The following ZBTB20 variants were observed in gnomAD, a reference collection of about 807,000 sequenced individuals.
ZBTB20 encodes the protein zinc finger and BTB domain-containing protein 20.
ZBTB20 carries 9 observed loss-of-function variants against 56.9 expected under a neutral mutation model. The ratio of observed to expected loss-of-function variants is 0.16; its 90% CI spans 0.10 to 0.28. The LOEUF (loss-of-function observed/expected upper bound fraction) is 0.28, where lower values mean the gene tolerates loss of function less well. Ranked by LOEUF, ZBTB20 falls within the 10% of genes least tolerant of loss-of-function variation. ZBTB20 has a pLI of 1.00. For synonymous variants in ZBTB20, 417 were observed against 420.7 expected (o/e 0.99, Z 0.11); for missense variants, 655 against 1,003.0 (o/e 0.65, Z 4.69).
chr3:115,077,802 A>C (rs181900634), intron 1 of ZBTB20, among the ~76,000 whole-genome samples: 11 of 152,306 alleles, frequency 7.2e-5, no homozygotes, highest in East Asian at 1.9e-4. Flanking sequence ...AAAATGGTGA[A>C]GCACTATGGA....
intron 2 of ZBTB20, among the ~76,000 whole-genome samples, chr3:114,990,084 T>C (rs2078733930): frequency 6.6e-6 from 1 of 152,196 alleles, no homozygotes; most frequent in Non-Finnish European, 1.5e-5. Context: ...CCTAATTGAA[T>C]ACCCTGTATT....
At position 114,531,614 on chromosome 3, in the gene ZBTB20, T is replaced by C. The variant is rs146859657; in HGVS notation, c.-294-31223A>G. Reference sequence around the variant, plus strand: ...TAGAATCAATGGAAAGAAAGATTTTTGGGGAGGGGAGAGAAGTTTTGCTTG... The same window carrying C: ...TAGAATCAATGGAAAGAAAGATTTTCGGGGAGGGGAGAGAAGTTTTGCTTG... On this transcript the variant is annotated intron_variant, in intron 6 of 11. Coordinates refer to ENST00000675478, the MANE Select transcript of ZBTB20 (RefSeq NM_001348800.3). 5.8e-3 allele frequency among the ~76,000 whole-genome samples: 876 copies of C among 152,248 alleles called. 4 individuals are homozygous for C. The highest frequency in any genetic ancestry group is 0.02 in the Middle Eastern group (6 of 294).
intron 4 of ZBTB20, among the ~76,000 whole-genome samples, chr3:114,809,551 T>C (rs1226484959): frequency 6.6e-6 from 1 of 152,166 alleles, no homozygotes; most frequent in Non-Finnish European, 1.5e-5. Flanking sequence ...TGATACTCTC[T>C]ATTTAAAGGG....
At chr3:114,523,538 G>T (rs2046876891) in intron 6 of ZBTB20, among the ~76,000 whole-genome samples, 1 of 152,212 alleles carries the variant, frequency 6.6e-6, no homozygotes, top group Non-Finnish European at 1.5e-5. Context: ...TAAAACAGAA[G>T]AAAGATGTGA....
At chr3:114,375,486 A>G (rs2083504997) in intron 10 of ZBTB20, among the ~76,000 whole-genome samples, 2 of 152,260 alleles carry the variant, frequency 1.3e-5, no homozygotes, top group African/African-American at 4.8e-5. Context: ...TACAGCATAG[A>G]CTAAAAAGTT....
At chr3:114,734,182 AAAAT>A (rs1227713451) in intron 5 of ZBTB20, among the ~76,000 whole-genome samples, 2 of 151,682 alleles carry the variant, frequency 1.3e-5, no homozygotes, top group Admixed American at 1.3e-4. Flanking sequence ...AATAAATAAA[AAAAT>A]AAATACATAT....
intron 6 of ZBTB20, among the ~76,000 whole-genome samples, chr3:114,602,480 C>T (rs1420220599): frequency 6.6e-6 from 1 of 151,978 alleles, no homozygotes; most frequent in Non-Finnish European, 1.5e-5. Flanking sequence ...TTCCCAGCAC[C>T]TTCTGTTATG....
At chr3:114,979,876 A>G (rs2108081006) in intron 2 of ZBTB20, among the ~76,000 whole-genome samples, 1 of 152,086 alleles carries the variant, frequency 6.6e-6, no homozygotes, top group East Asian at 1.9e-4. Flanking sequence ...GTTCTATGGT[A>G]TATTCTCAAA....
chr3:114,472,764 T>C (rs1238699328), intron 7 of ZBTB20, among the ~76,000 whole-genome samples: 1 of 151,840 alleles, frequency 6.6e-6, no homozygotes, highest in African/African-American at 2.4e-5. Flanking sequence ...TGTGGCCCAA[T>C]ACAGCATGCT....
intron 1 of ZBTB20, among the ~76,000 whole-genome samples, chr3:115,114,171 G>T (rs1176306276): frequency 6.6e-6 from 1 of 152,022 alleles, no homozygotes; most frequent in Non-Finnish European, 1.5e-5. Flanking sequence ...TGCTCTTACT[G>T]AAAAACATTA....
intron 1 of ZBTB20, among the ~76,000 whole-genome samples, chr3:115,092,057 C>T (rs1022013195): frequency 6.6e-6 from 1 of 152,104 alleles, no homozygotes; most frequent in Non-Finnish European, 1.5e-5. Context: ...TTAAATACTT[C>T]CCTGTTTATG....
chr3:114,562,241 T>C lies in ZBTB20; in HGVS notation c.-294-61850A>G, dbSNP rs557880092. On this transcript the variant is annotated intron_variant, in intron 6 of 11. Transcript: ENST00000675478. Reference sequence around the variant, plus strand: ...GTGCAGTGGTGCCATCTCGGCTCACTGCAACCTCCGCCTCCCAGGTTCAAG... The same window carrying C: ...GTGCAGTGGTGCCATCTCGGCTCACCGCAACCTCCGCCTCCCAGGTTCAAG... 1.8e-4 allele frequency among the ~76,000 whole-genome samples: 27 copies of C among 151,824 alleles called. No individual in the cohort carries two copies. In the South Asian group the frequency reaches 5.2e-3, roughly 29 times the overall value.
rs1222715372 is a variant in ZBTB20 at position 114,314,505 on chromosome 3, G to T, written c.*24500C>A. 7.0e-6 allele frequency: 1 copy of T among 142,506 alleles called. No individual in the cohort carries two copies. Among genetic ancestry groups the T allele is most frequent in the Non-Finnish European group, 1.5e-5 (1 of 64,702 alleles). 8.8% of individuals were successfully genotyped at this position (142,506 alleles called of 1,614,324 possible). On this transcript the variant is annotated 3_prime_UTR_variant, in exon 12 of 12. Transcript: ENST00000675478. ...GACACAATAGGAAACCAAGAGAAGA[G>T]TTTTTTTTTTTTTAATTATTCCTTC...
chr3:114,418,168 C>T (rs763941848), intron 7 of ZBTB20, among the ~76,000 whole-genome samples: 218 of 152,010 alleles, frequency 1.4e-3, no homozygotes, highest in Non-Finnish European at 2.4e-3. Flanking sequence ...GGCATGAACC[C>T]ACTGATGTGT....
chr3:114,728,927 G>A (rs998970470), intron 5 of ZBTB20, among the ~76,000 whole-genome samples: 1 of 152,074 alleles, frequency 6.6e-6, no homozygotes, highest in African/African-American at 2.4e-5. Context: ...AGGGCAGTGT[G>A]GGGGCAGAGA....
At chr3:114,485,303 T>C (rs760958862) in intron 7 of ZBTB20, among the ~76,000 whole-genome samples, 1 of 152,244 alleles carries the variant, frequency 6.6e-6, no homozygotes, top group Non-Finnish European at 1.5e-5. Context: ...AGAGTGCATG[T>C]TTTTTATTCC....
rs1318397324 is a variant in ZBTB20 at position 114,330,072 on chromosome 3, T to C, written c.*8933A>G. On this transcript the variant is annotated 3_prime_UTR_variant, in exon 12 of 12. Coordinates refer to ENST00000675478, the MANE Select transcript of ZBTB20 (RefSeq NM_001348800.3). ...ATGCACCTCTTTTGTTCTTCAGATA[T>C]TGAGTGGGTCAGCTAAACAAGATCA... The C allele has an allele frequency of 6.6e-6, 1 of 152,232 alleles. No individual in the cohort carries two copies. The highest frequency in any genetic ancestry group is 2.4e-5 in the African/African-American group (1 of 41,464). 9.4% of individuals were successfully genotyped at this position (152,232 alleles called of 1,614,324 possible). A position where few individuals can be genotyped will look rare whatever the true frequency, so the allele number is the denominator to read the frequency against.
chr3:114,437,250 TA>T (rs1396601519), intron 7 of ZBTB20, among the ~76,000 whole-genome samples: 2 of 152,072 alleles, frequency 1.3e-5, no homozygotes, highest in African/African-American at 4.8e-5. Context: ...GGTGAACCAC[TA>T]AAAAAATCCC....
At chr3:115,073,042 T>C (rs2082466824) in intron 1 of ZBTB20, among the ~76,000 whole-genome samples, 1 of 152,202 alleles carries the variant, frequency 6.6e-6, no homozygotes. Context: ...TGTCAGTCAT[T>C]ATCAGTGTCA....
Sources: gnomAD v4.1 joint callset for allele counts (sites outside exome capture counted in the v4.1 genomes callset) on GRCh38, gnomAD v4.1.1 for gene constraint, MANE v1.5 for transcripts, NCBI Gene and HGNC (gene_info 2026-07-23, HGNC 2026-07-21) for gene names.